ACOX3: variants seen among roughly 807,000 people sequenced by gnomAD.
The protein encoded by ACOX3 is peroxisomal acyl-coenzyme A oxidase 3.
Under a neutral mutation model 81.5 loss-of-function variants are expected in ACOX3, and 73 were observed. The observed-to-expected ratio is 0.90, with a 90% CI of 0.74 to 1.09. The LOEUF is 1.09. ACOX3 is among the 50% of genes least tolerant of loss of function. The pLI, the probability that ACOX3 is intolerant of heterozygous loss-of-function variation, is 0.00. For missense variants in ACOX3, 947 were observed against 928.0 expected (o/e 1.02, Z -0.27); for synonymous variants, 387 against 375.1 (o/e 1.03, Z -0.37).
In ACOX3 at chr4:8,399,436, G is replaced by C. The variant is rs1036688298; in HGVS notation, c.873+120C>G. On this transcript the variant is annotated intron_variant, in intron 8 of 17. Coordinates refer to ENST00000356406, the MANE Select transcript of ACOX3 (RefSeq NM_003501.3). The surrounding 1 kb of genome is among the most constrained non-coding windows in gnomAD (Gnocchi z 4.9). ...CCCGAGCCAGGAGAAGTATGCCCCA[G>C]CGACACCTGGCCTACGTGGAGGGGT... 2.2e-4 allele frequency: 186 copies of C among 832,268 alleles called. No individual in the cohort carries two copies. The highest frequency in any genetic ancestry group is 1.1e-3 in the South Asian group (67 of 58,954). The allele number at this position is 832,268 out of a possible 1,614,324, so 51.6% of individuals were successfully genotyped here. A position where few individuals can be genotyped will look rare whatever the true frequency, so the allele number is the denominator to read the frequency against.
chr4:8,364,068 A>G (rs1417584882), downstream of ACOX3, among the ~76,000 whole-genome samples: 5 of 152,248 alleles, frequency 3.3e-5, no homozygotes, highest in South Asian at 1.0e-3. This position sits in a 1 kb window ranked among gnomAD's most constrained non-coding sequence, Gnocchi z 5.0. Context: ...TCTTTCTTGC[A>G]TGAGATCCAA....
At chr4:8,365,456 C>T (rs1309845676), downstream of ACOX3, among the ~76,000 whole-genome samples, 1 of 152,210 alleles carries the variant, frequency 6.6e-6, no homozygotes. Flanking sequence ...CAGCACCTAC[C>T]TATTGCGTCT....
intron 16 of ACOX3, among the ~76,000 whole-genome samples, chr4:8,373,024 G>A (rs1031769052): frequency 3.3e-5 from 5 of 152,160 alleles, no homozygotes; most frequent in East Asian, 1.9e-4. Flanking sequence ...GAGAGATGCC[G>A]GATCAGAATG....
In ACOX3 at chr4:8,382,454, G is replaced by A. The variant is rs935908169; in HGVS notation, c.1538-847C>T. 2.0e-5 allele frequency among the ~76,000 whole-genome samples: 3 copies of A among 152,158 alleles called. No individual in the cohort carries two copies. ...AGGTACATGGCGAGCATGTGAGGGAGGGGTGCAGACCACCCACATGTGGAG... is the reference window on the plus strand; with the variant it reads ...AGGTACATGGCGAGCATGTGAGGGAAGGGTGCAGACCACCCACATGTGGAG... On this transcript the variant is annotated intron_variant, in intron 13 of 17. Coordinates refer to ENST00000356406, the MANE Select transcript of ACOX3 (RefSeq NM_003501.3). The surrounding 1 kb of genome is among the most constrained non-coding windows in gnomAD (Gnocchi z 4.1).
chr4:8,405,976 C>T lies in ACOX3; in HGVS notation c.755G>A (p.Gly252Glu). The T allele has an allele frequency of 6.2e-7, 1 of 1,614,162 alleles. No homozygotes were observed. The highest frequency in any genetic ancestry group is 1.3e-5 in the African/African-American group (1 of 75,036). ...VMVGDIGKKL[G>E]QNGLDNGFAM... Reference sequence around the variant, plus strand: ...TCACCCATTATCCAGACCGTTCTGCCCGAGTTTTTTTCCTATGTCGCCAAC... The same window carrying T: ...TCACCCATTATCCAGACCGTTCTGCTCGAGTTTTTTTCCTATGTCGCCAAC... The change falls in exon 7 of 18, where the codon GGG (glycine) becomes GAG (glutamate). Residue 252 changes from glycine (G) to glutamate (E), a missense_variant. Coordinates refer to ENST00000356406, the MANE Select transcript of ACOX3 (RefSeq NM_003501.3). This position sits in a 1 kb window ranked among gnomAD's most constrained non-coding sequence, Gnocchi z 7.1.
At chr4:8,402,931 C>T (rs1720529714) in intron 7 of ACOX3, among the ~76,000 whole-genome samples, 2 of 152,208 alleles carry the variant, frequency 1.3e-5, no homozygotes, top group Non-Finnish European at 2.9e-5. Context: ...CCCCCAAGCC[C>T]AGCCCAGCCA....
At chr4:8,411,393 C>T (rs534531614) in intron 5 of ACOX3, among the ~76,000 whole-genome samples, 2 of 152,316 alleles carry the variant, frequency 1.3e-5, no homozygotes, top group East Asian at 3.9e-4. Flanking sequence ...AACAATCATC[C>T]TATAGATCCT....
At chr4:8,410,104 A>G in intron 6 of ACOX3, 108 bp downstream of exon 6, 3 of 1,404,544 alleles carry the variant, frequency 2.1e-6, no homozygotes, top group South Asian at 1.4e-5. Flanking sequence ...CACTCACCAG[A>G]TGCCAGAAGC....
rs1489868356 is a variant in ACOX3, at chr4:8,384,822, C to G, written c.1538-3215G>C. Among the ~76,000 whole-genome samples, 3 of 152,210 alleles carry G rather than the reference C, an allele frequency of 2.0e-5. No individual in the cohort carries two copies. The highest frequency in any genetic ancestry group is 4.4e-5 in the Non-Finnish European group (3 of 68,034). The stretch of plus-strand genomic sequence containing the variant: ...TGGACAGCGGCCCCAACTCCTCAGC[C>G]AGATCACAGGCCCGGGTCTGACCAT... On this transcript the variant is annotated intron_variant, in intron 13 of 17. Coordinates refer to ENST00000356406, the MANE Select transcript of ACOX3 (RefSeq NM_003501.3). The surrounding 1 kb of genome is among the most constrained non-coding windows in gnomAD (Gnocchi z 5.3).
rs1009966322 is a variant in ACOX3, at chr4:8,416,327, C to G, written c.144+51G>C. The G allele has an allele frequency of 1.9e-6, 3 of 1,613,086 alleles. No individual in the cohort carries two copies. Among genetic ancestry groups the G allele is most frequent in the Admixed American group, 1.7e-5 (1 of 60,000 alleles). On this transcript the variant is annotated intron_variant, in intron 2 of 17. Coordinates refer to ENST00000356406, the MANE Select transcript of ACOX3 (RefSeq NM_003501.3). The surrounding 1 kb of genome is among the most constrained non-coding windows in gnomAD (Gnocchi z 4.2). Reference sequence around the variant, plus strand: ...CCAGAAATCCCATTCTGCTAACGAACTAAGACCCCACTGGGAAAAAAGACA... The same window carrying G: ...CCAGAAATCCCATTCTGCTAACGAAGTAAGACCCCACTGGGAAAAAAGACA...
In ACOX3 at chr4:8,437,985, G is replaced by A. The variant is rs1724353184; in HGVS notation, c.-15+2663C>T. ...TTTCTCACTGATGGCTAAGCCACTA[G>A]ATAGAGTTACAAAGGGGGGAAAGAA... is the stretch of plus-strand genomic sequence containing the variant. On this transcript the variant is annotated intron_variant, in intron 1 of 17. Transcript: ENST00000356406. The surrounding 1 kb of genome is among the most constrained non-coding windows in gnomAD (Gnocchi z 5.2). 6.6e-6 allele frequency among the ~76,000 whole-genome samples: 1 copy of A among 152,200 alleles called. No homozygotes were observed. Among genetic ancestry groups the A allele is most frequent in the African/African-American group, 2.4e-5 (1 of 41,450 alleles).
intron 7 of ACOX3, among the ~76,000 whole-genome samples, chr4:8,403,376 G>C (rs1336371989): frequency 6.6e-6 from 1 of 152,180 alleles, no homozygotes; most frequent in African/African-American, 2.4e-5. Context: ...AGACCCTCCA[G>C]CCCTGGATGG....
At chr4:8,397,597 C>A (rs1435482239) in intron 8 of ACOX3, among the ~76,000 whole-genome samples, 4 of 152,244 alleles carry the variant, frequency 2.6e-5, no homozygotes, top group African/African-American at 9.6e-5. Context: ...CCTTTACGTG[C>A]GTCTAGCTGG....
chr4:8,420,628 C>T (rs890611971), intron 1 of ACOX3, among the ~76,000 whole-genome samples: 1 of 152,236 alleles, frequency 6.6e-6, no homozygotes, highest in African/African-American at 2.4e-5. Flanking sequence ...GATCAGGCAA[C>T]GCCCTTTGGG....
rs1188987054 is a variant in ACOX3, at chr4:8,385,767, G to T, written c.1537+3406C>A. Among the ~76,000 whole-genome samples the T allele has an allele frequency of 6.6e-6, 1 of 152,196 alleles. No homozygotes were observed. Among genetic ancestry groups the T allele is most frequent in the Non-Finnish European group, 1.5e-5 (1 of 68,046 alleles). ...CTCTCCAGTCCTGCAGAGCCTGAGGGCCCCACATCACTTAAACAGCTTTTA... is the reference window on the plus strand; with the variant it reads ...CTCTCCAGTCCTGCAGAGCCTGAGGTCCCCACATCACTTAAACAGCTTTTA... On this transcript the variant is annotated intron_variant, in intron 13 of 17. Transcript: ENST00000356406. This position sits in a 1 kb window ranked among gnomAD's most constrained non-coding sequence, Gnocchi z 5.5.
intron 1 of ACOX3, among the ~76,000 whole-genome samples, chr4:8,421,327 C>T (rs935164883): frequency 6.6e-6 from 1 of 152,352 alleles, no homozygotes; most frequent in South Asian, 2.1e-4. Context: ...CAATCCCCAA[C>T]CCTTTTGGGT....
chr4:8,397,602 A>T (rs916265246), intron 8 of ACOX3, among the ~76,000 whole-genome samples: 1 of 152,206 alleles, frequency 6.6e-6, no homozygotes, highest in African/African-American at 2.4e-5. Flanking sequence ...ACGTGCGTCT[A>T]GCTGGAATCT....
Position 8,394,709 on chromosome 4 carries a change from A to G in ACOX3, c.1090T>C (p.Tyr364His), listed in dbSNP as rs759467420. 6.8e-6 allele frequency: 11 copies of G among 1,613,642 alleles called. No homozygotes were observed. The highest frequency in any genetic ancestry group is 9.3e-6 in the Non-Finnish European group (11 of 1,179,922). ...GACTTGGAGAAATGGTCTAAGGCGTAGACAGCTGCCAGATATGGAAGCAAG... is the reference window on the plus strand; with the variant it reads ...GACTTGGAGAAATGGTCTAAGGCGTGGACAGCTGCCAGATATGGAAGCAAG... Reference protein sequence around the residue: ...WRLLPYLAAVYALDHFSKSLF... With the variant: ...WRLLPYLAAVHALDHFSKSLF... Residue 364 changes from tyrosine (Y) to histidine (H), a missense_variant, in exon 10 of 18, where the codon TAC becomes CAC. Physicochemically the swap from Tyr to His is moderately conservative, Grantham distance 83 (BLOSUM62 2). Transcript: ENST00000356406. This position sits in a 1 kb window ranked among gnomAD's most constrained non-coding sequence, Gnocchi z 5.9.
rs994974169 is a variant in ACOX3, at chr4:8,406,200, C to A, written c.688-157G>T. Among the ~76,000 whole-genome samples the A allele has an allele frequency of 6.6e-6, 1 of 152,184 alleles. No homozygotes were observed. The highest frequency in any genetic ancestry group is 1.5e-5 in the Non-Finnish European group (1 of 68,040). On this transcript the variant is annotated intron_variant, in intron 6 of 17. Transcript: ENST00000356406. The surrounding 1 kb of genome is among the most constrained non-coding windows in gnomAD (Gnocchi z 5.6). ...AGAAATGATACATCCAAGTCCTAAC[C>A]CCAGGACCTGGGAATGGAAGCTTAT... is the stretch of plus-strand genomic sequence containing the variant.
Sources: gnomAD v4.1 joint callset for allele counts (sites outside exome capture counted in the v4.1 genomes callset) on GRCh38, gnomAD v4.1.1 for gene constraint, Gnocchi (gnomAD v3.1) non-coding constraint, MANE v1.5 for transcripts, NCBI Gene and HGNC (gene_info 2026-07-23, HGNC 2026-07-21) for gene names.